Variants in PCDHGA3 observed in about 807,000 individuals in gnomAD.
The protein encoded by PCDHGA3 is protocadherin gamma subfamily A, 3.
In PCDHGA3, 40 loss-of-function variants were observed where a neutral mutation model predicts 58.5. The ratio of observed to expected loss-of-function variants is 0.68; its 90% CI spans 0.53 to 0.89. The LOEUF (loss-of-function observed/expected upper bound fraction) is 0.89. Among genes scored for constraint, PCDHGA3 ranks in the 40% least tolerant of loss-of-function variants. The pLI, the probability that PCDHGA3 is intolerant of heterozygous loss-of-function variation, is 0.00. For missense variants in PCDHGA3, 1,223 were observed against 1,195.9 expected (o/e 1.02, Z -0.33); for synonymous variants, 530 against 525.7 (o/e 1.01, Z -0.11).
intron 1 of PCDHGA3, chr5:141,357,417 C>G: frequency 1.2e-6 from 2 of 1,614,254 alleles, no homozygotes; most frequent in Non-Finnish European, 1.7e-6. Flanking sequence ...CTGCCTCGCA[C>G]TTTGTGGGCG....
At chr5:141,403,655 A>T (rs1262068795) in intron 1 of PCDHGA3, 6 of 1,613,798 alleles carry the variant, frequency 3.7e-6, no homozygotes, top group Non-Finnish European at 4.2e-6. Context: ...AGTGTTGGAT[A>T]CAAATGATAA....
rs751607322 is a variant in PCDHGA3 at position 141,345,491 on chromosome 5, C to T, written c.1458C>T (p.Arg486=). 5.0e-6 allele frequency: 8 copies of T among 1,614,060 alleles called. No homozygotes were observed. The Admixed American group carries it at 1.0e-4, about 20-fold the overall frequency. ...ACCCAGATAGCAACAACAACGCCCG[C>T]ATCACTTATGCATTGACCGAGGACA... is the stretch of plus-strand genomic sequence containing the variant. ...AQDPDSNNNA[R]ITYALTEDTL... is the part of the protein sequence containing the mutation. The change falls in exon 1 of 4, where the codon CGC becomes CGT. Residue 486 remains arginine, a synonymous_variant. Coordinates refer to ENST00000253812, the MANE Select transcript of PCDHGA3 (RefSeq NM_018916.4).
intron 1 of PCDHGA3, chr5:141,357,613 A>G: frequency 6.2e-7 from 1 of 1,613,940 alleles, no homozygotes; most frequent in Non-Finnish European, 8.5e-7. Context: ...AGGAGACCCT[A>G]ATCTTCAGGT....
chr5:141,377,955 G>T (rs557013488), intron 1 of PCDHGA3: 12 of 152,140 alleles, frequency 7.9e-5, no homozygotes, highest in African/African-American at 2.9e-4. Flanking sequence ...GTGTATCCAG[G>T]GCAACTTGAA....
chr5:141,358,677 G>T (rs1034495603), intron 1 of PCDHGA3, among the ~76,000 whole-genome samples: 2 of 152,088 alleles, frequency 1.3e-5, no homozygotes, highest in Non-Finnish European at 1.5e-5. Context: ...TTTTTAAATT[G>T]CTTATCATGA....
rs748394772 is a variant in PCDHGA3 at position 141,362,014 on chromosome 5, C to T, written c.2424+15557C>T. 3.1e-6 allele frequency: 5 copies of T among 1,605,936 alleles called. No individual in the cohort carries two copies. The East Asian group carries it at 6.7e-5, about 22-fold the overall frequency. Reference sequence around the variant, plus strand: ...CCTGGGGTTGCGCACGGGTGAGGTGCGCACAGCGCGTGCCTTGGGCGACAG... The same window carrying T: ...CCTGGGGTTGCGCACGGGTGAGGTGTGCACAGCGCGTGCCTTGGGCGACAG... On this transcript the variant is annotated intron_variant, in intron 1 of 3. Coordinates refer to ENST00000253812, the MANE Select transcript of PCDHGA3 (RefSeq NM_018916.4).
intron 1 of PCDHGA3, chr5:141,478,809 C>G: frequency 6.9e-7 from 1 of 1,453,454 alleles, no homozygotes; most frequent in Non-Finnish European, 9.0e-7. Flanking sequence ...CTTTTGCTAT[C>G]ACAACTAACC....
In PCDHGA3 at chr5:141,476,432, G is replaced by A. The variant is rs139089802; in HGVS notation, c.2425-18375G>A. 15 of 1,614,116 alleles carry A rather than the reference G, an allele frequency of 9.3e-6. No individual in the cohort carries two copies. The East Asian group carries it at 3.3e-4, about 36-fold the overall frequency. Reference sequence around the variant, plus strand: ...GTGTGGGACACTGCCCTCTTGCACTGTAACTCTGGAGTTGGTAGTGGAGAA... The same window carrying A: ...GTGTGGGACACTGCCCTCTTGCACTATAACTCTGGAGTTGGTAGTGGAGAA... On this transcript the variant is annotated intron_variant, in intron 1 of 3. Coordinates refer to ENST00000253812, the MANE Select transcript of PCDHGA3 (RefSeq NM_018916.4). The surrounding 1 kb of genome is among the most constrained non-coding windows in gnomAD (Gnocchi z 7.6).
At chr5:141,433,837 C>CAAAA (rs56191208) in intron 1 of PCDHGA3, among the ~76,000 whole-genome samples, 6 of 111,700 alleles carry the variant, frequency 5.4e-5, no homozygotes, top group African/African-American at 1.9e-4. Flanking sequence ...AACTCTATCT[C>CAAAA]AAAAAAAAAA....
intron 1 of PCDHGA3, chr5:141,364,609 G>A (rs759783763): frequency 2.5e-6 from 4 of 1,614,190 alleles, no homozygotes; most frequent in Non-Finnish European, 3.4e-6. Flanking sequence ...TAGACCGGGA[G>A]GAGCTCTGCG....
intron 1 of PCDHGA3, chr5:141,413,431 G>T (rs963192857): frequency 1.9e-6 from 3 of 1,614,092 alleles, no homozygotes; most frequent in Non-Finnish European, 2.5e-6. Context: ...CCCGCGCAGC[G>T]GCAGCTTGAT....
intron 1 of PCDHGA3, chr5:141,366,502 G>A (rs1764600117): frequency 1.9e-6 from 3 of 1,614,150 alleles, no homozygotes; most frequent in Non-Finnish European, 1.7e-6. Context: ...AGTCACGCCT[G>A]CTTCAGGCTG....
In PCDHGA3 at chr5:141,345,526, G is replaced by T. The variant is rs1757589298; in HGVS notation, c.1493G>T (p.Gly498Val). ...GCATTGACCGAGGACACTCTCCAGG[G>T]GGCGCCCCTGTCCTCCTTCGTCTCT... ...TYALTEDTLQ[G>V]APLSSFVSIN... Residue 498 changes from glycine (G) to valine (V), a missense_variant, in exon 1 of 4, where the codon GGG becomes GTG. By Grantham distance (109) the Gly-to-Val change is moderately radical. Around this residue, in one of 3 missense-constraint regions of PCDHGA3, gnomAD observed 791 missense variants for 708.5 expected, o/e 1.12. Coordinates refer to ENST00000253812, the MANE Select transcript of PCDHGA3 (RefSeq NM_018916.4). 6.2e-7 allele frequency: 1 copy of T among 1,613,990 alleles called. No individual in the cohort carries two copies. The highest frequency in any genetic ancestry group is 1.7e-5 in the Admixed American group (1 of 60,004).
chr5:141,437,728 A>T (rs1236819934), intron 1 of PCDHGA3, among the ~76,000 whole-genome samples: 1 of 150,908 alleles, frequency 6.6e-6, no homozygotes, highest in Non-Finnish European at 1.5e-5. Context: ...CTAATGTTAC[A>T]CTTTGAGTTC....
chr5:141,433,514 G>C (rs1330494451), intron 1 of PCDHGA3, among the ~76,000 whole-genome samples: 1 of 152,016 alleles, frequency 6.6e-6, no homozygotes, highest in East Asian at 1.9e-4. Context: ...GATTACAGGC[G>C]TGAACCACAG....
chr5:141,470,794 C>T (rs1332287628), intron 1 of PCDHGA3, among the ~76,000 whole-genome samples: 1 of 152,162 alleles, frequency 6.6e-6, no homozygotes, highest in African/African-American at 2.4e-5. Flanking sequence ...CTCAAGCAAT[C>T]CTCCCACTTC....
In PCDHGA3 at chr5:141,380,794, G is replaced by A. The variant is rs116753480; in HGVS notation, c.2424+34337G>A. ...AGACTTTTTTAAAACAGTAGAATAA[G>A]AAACAAATGTGAGATGAAACTATGA... On this transcript the variant is annotated intron_variant, in intron 1 of 3. Transcript: ENST00000253812. Among the ~76,000 whole-genome samples, 564 of 152,260 alleles carry A rather than the reference G, an allele frequency of 3.7e-3. 3 individuals are homozygous for A. The highest frequency in any genetic ancestry group is 0.013 in the African/African-American group (534 of 41,542).
In PCDHGA3 at chr5:141,490,706, T is replaced by C. The variant is rs777636562; in HGVS notation, c.2425-4101T>C. On this transcript the variant is annotated intron_variant, in intron 1 of 3. Coordinates refer to ENST00000253812, the MANE Select transcript of PCDHGA3 (RefSeq NM_018916.4). This position sits in a 1 kb window ranked among gnomAD's most constrained non-coding sequence, Gnocchi z 5.4. ...CCAGACACTGGGGATAATGCCCGCC[T>C]CACCTACTCCATTGTAGGAAATCAG... is the stretch of plus-strand genomic sequence containing the variant. The C allele has an allele frequency of 6.2e-7, 1 of 1,614,074 alleles. No homozygotes were observed. Among genetic ancestry groups the C allele is most frequent in the African/African-American group, 1.3e-5 (1 of 74,948 alleles).
chr5:141,497,986 G>T (rs1404550601), intron 2 of PCDHGA3, among the ~76,000 whole-genome samples: 1 of 152,176 alleles, frequency 6.6e-6, no homozygotes, highest in Non-Finnish European at 1.5e-5. Context: ...GGAGGCCCCT[G>T]CCCTCAAGGA....
Sources: gnomAD v4.1 joint callset for allele counts (sites outside exome capture counted in the v4.1 genomes callset) on GRCh38, gnomAD v4.1.1 for gene constraint, gnomAD v4.1.1 regional missense constraint, Gnocchi (gnomAD v3.1) non-coding constraint, MANE v1.5 for transcripts, NCBI Gene and HGNC (gene_info 2026-07-23, HGNC 2026-07-21) for gene names.